Variants in DCC observed in about 807,000 individuals in gnomAD.
DCC encodes DCC netrin 1 receptor.
A neutral mutation model predicts 172.5 loss-of-function variants in DCC; 58 were observed. The observed-to-expected ratio is 0.34, with a 90% CI of 0.27 to 0.42. The LOEUF (loss-of-function observed/expected upper bound fraction) is 0.42, where lower values mean the gene tolerates loss of function less well. Ranked by LOEUF, DCC falls within the 10% of genes least tolerant of loss-of-function variation. The pLI is 1.00. For synonymous variants in DCC, 709 were observed against 644.5 expected, an observed-to-expected ratio of 1.10 and a Z score of -1.52; for missense variants, 1,740 against 1,791.0, an observed-to-expected ratio of 0.97 and a Z score of 0.51.
At chr18:53,460,412 C>T (rs2045542649) in intron 24 of DCC, among the ~76,000 whole-genome samples, 1 of 140,470 alleles carries the variant, frequency 7.1e-6, no homozygotes, top group Admixed American at 7.1e-5. Flanking sequence ...GGTATATCTC[C>T]CAGTGCTATC....
chr18:53,186,816 C>A (rs1029660606), intron 9 of DCC, among the ~76,000 whole-genome samples: 4 of 152,118 alleles, frequency 2.6e-5, no homozygotes, highest in African/African-American at 9.7e-5. Flanking sequence ...TGAGATTAAG[C>A]AGGTGTGGTG....
intron 1 of DCC, among the ~76,000 whole-genome samples, chr18:52,657,516 T>G (rs16955341): frequency 1.3e-5 from 2 of 152,108 alleles, no homozygotes; most frequent in African/African-American, 4.8e-5. Context: ...CCAGCCATTC[T>G]TGTGGATCCC....
chr18:52,836,379 G>A (rs1456936216), intron 2 of DCC, among the ~76,000 whole-genome samples: 2 of 152,118 alleles, frequency 1.3e-5, no homozygotes, highest in Non-Finnish European at 2.9e-5. Flanking sequence ...CAAGTCCAAA[G>A]TCTCATCTGA....
intron 8 of DCC, among the ~76,000 whole-genome samples, chr18:53,177,787 G>A (rs2055130898): frequency 1.3e-5 from 2 of 152,088 alleles, no homozygotes; most frequent in Admixed American, 6.6e-5. Context: ...CAGGGAAGCC[G>A]GAAAATACGG....
chr18:53,330,818 A>T (rs953944860), intron 14 of DCC, among the ~76,000 whole-genome samples: 15 of 152,194 alleles, frequency 9.9e-5, no homozygotes, highest in Non-Finnish European at 1.9e-4. Context: ...GCTTTCTCTT[A>T]TCTGAGTTTC....
chr18:52,535,453 AG>A (rs2032261896), intron 1 of DCC, among the ~76,000 whole-genome samples: 2 of 152,194 alleles, frequency 1.3e-5, no homozygotes, highest in South Asian at 4.1e-4. Context: ...TATACAGCTA[AG>A]GCTGCACTGG....
intron 5 of DCC, among the ~76,000 whole-genome samples, chr18:52,951,530 G>A (rs1419688391): frequency 6.6e-6 from 1 of 152,048 alleles, no homozygotes; most frequent in Non-Finnish European, 1.5e-5. Context: ...GAGAACATGC[G>A]GTGTTTGGTT....
chr18:53,027,164 G>A (rs2041966590), intron 5 of DCC, among the ~76,000 whole-genome samples: 1 of 151,966 alleles, frequency 6.6e-6, no homozygotes, highest in Non-Finnish European at 1.5e-5. Flanking sequence ...TAGGACAATT[G>A]GGTTCTCGAC....
chr18:53,207,774 G>T lies in DCC; in HGVS notation c.1818G>T (p.Pro606=). Residue 606 remains proline (P), a synonymous_variant, in exon 11 of 29, where the codon CCG becomes CCT. Transcript: ENST00000442544. Reference sequence around the variant, plus strand: ...TCTTAGCTTATAATCGCTATGGTCCGGGCGTCTCTACTGATGATATAACAG... The same window carrying T: ...TCTTAGCTTATAATCGCTATGGTCCTGGCGTCTCTACTGATGATATAACAG... ...LRFLAYNRYG[P]GVSTDDITVV... 6.2e-7 allele frequency: 1 copy of T among 1,613,234 alleles called. No individual in the cohort carries two copies. Among genetic ancestry groups the T allele is most frequent in the Middle Eastern group, 1.7e-4 (1 of 6,058 alleles).
At chr18:52,443,819 C>A (rs1046159534) in intron 1 of DCC, among the ~76,000 whole-genome samples, 10 of 151,964 alleles carry the variant, frequency 6.6e-5, no homozygotes, top group African/African-American at 2.4e-4. Context: ...TGAAGTCATC[C>A]CATTTTTATT....
chr18:52,611,645 A>T (rs1393853687), intron 1 of DCC, among the ~76,000 whole-genome samples: 1 of 152,232 alleles, frequency 6.6e-6, no homozygotes, highest in Non-Finnish European at 1.5e-5. Context: ...GACAATAAAT[A>T]GTTCAGTAAT....
intron 12 of DCC, 52 bp from the exon 13 acceptor site, chr18:53,305,526 C>A (rs2057189545): frequency 6.1e-6 from 9 of 1,481,446 alleles, no homozygotes; most frequent in Admixed American, 3.3e-5. Flanking sequence ...TTGACCCTGT[C>A]CCATTGTCCT....
intron 1 of DCC, among the ~76,000 whole-genome samples, chr18:52,380,523 C>T (rs569986629): frequency 6.6e-6 from 1 of 152,036 alleles, no homozygotes; most frequent in Non-Finnish European, 1.5e-5. Flanking sequence ...AACTCCATTC[C>T]CCACTTTCGA....
At chr18:52,900,495 T>C (rs2039794561) in intron 2 of DCC, among the ~76,000 whole-genome samples, 1 of 152,174 alleles carries the variant, frequency 6.6e-6, no homozygotes, top group Non-Finnish European at 1.5e-5. Context: ...ATAATTAGAA[T>C]TGTTGACATC....
chr18:52,875,241 T>C (rs1309878628), intron 2 of DCC, among the ~76,000 whole-genome samples: 1 of 147,222 alleles, frequency 6.8e-6, no homozygotes. Context: ...TTTTTTTTTT[T>C]CTGAAAAAAG....
chr18:53,349,165 G>A (rs539328942), intron 15 of DCC, among the ~76,000 whole-genome samples: 14 of 152,066 alleles, frequency 9.2e-5, no homozygotes, highest in Non-Finnish European at 1.0e-4. Flanking sequence ...AATTTATTCC[G>A]CTAGATACCC....
chr18:53,409,759 C>T (rs1367266342), intron 19 of DCC, among the ~76,000 whole-genome samples: 1 of 152,076 alleles, frequency 6.6e-6, no homozygotes, highest in Non-Finnish European at 1.5e-5. Context: ...TTATTAATAT[C>T]TGAGATAATA....
At chr18:52,428,988 A>C in intron 1 of DCC, among the ~76,000 whole-genome samples, 1 of 152,044 alleles carries the variant, frequency 6.6e-6, no homozygotes, top group East Asian at 1.9e-4. Context: ...GAATACTTTT[A>C]TCCAATCATT....
At chr18:53,436,881 T>C (rs1911976670) in intron 22 of DCC, among the ~76,000 whole-genome samples, 1 of 152,168 alleles carries the variant, frequency 6.6e-6, no homozygotes, top group Non-Finnish European at 1.5e-5. Flanking sequence ...TGCTGAGGGC[T>C]CATTCTCTGC....
Sources: gnomAD v4.1 joint callset for allele counts (sites outside exome capture counted in the v4.1 genomes callset) on GRCh38, gnomAD v4.1.1 for gene constraint, MANE v1.5 for transcripts, NCBI Gene and HGNC (gene_info 2026-07-23, HGNC 2026-07-21) for gene names.